Variants in SEL1L2 observed in about 807,000 individuals in gnomAD.
SEL1L2 encodes the protein SEL1L2 adaptor subunit of SYVN1 ubiquitin ligase.
A neutral mutation model predicts 98.8 loss-of-function variants in SEL1L2; 89 were observed. The ratio of observed to expected loss-of-function variants is 0.90; its 90% CI spans 0.76 to 1.07. The LOEUF (loss-of-function observed/expected upper bound fraction) is 1.07. SEL1L2 is among the 50% of genes least tolerant of loss of function. The pLI is 0.00. For synonymous variants in SEL1L2, 262 were observed against 278.5 expected (o/e 0.94, Z 0.59); for missense variants, 788 against 812.0 (o/e 0.97, Z 0.36).
intron 10 of SEL1L2, among the ~76,000 whole-genome samples, chr20:13,880,010 T>C (rs1039066769): frequency 5.9e-5 from 9 of 152,330 alleles, no homozygotes; most frequent in Admixed American, 2.6e-4. Context: ...GATTTCATTA[T>C]TGACTTATTT....
chr20:13,926,101 G>A (rs1025234899), intron 3 of SEL1L2, among the ~76,000 whole-genome samples: 6 of 152,174 alleles, frequency 3.9e-5, no homozygotes, highest in African/African-American at 9.7e-5. Flanking sequence ...GGCGAATCAC[G>A]AGGTCAGGAG....
intron 17 of SEL1L2, among the ~76,000 whole-genome samples, chr20:13,862,733 G>T (rs1260464348): frequency 6.6e-6 from 1 of 151,754 alleles, no homozygotes; most frequent in African/African-American, 2.4e-5. Context: ...TGTTGCCCAG[G>T]CTGGAGTGCA....
Position 13,926,334 on chromosome 20 carries a change from A to T in SEL1L2, c.283+5269T>A, listed in dbSNP as rs887533516. ...CGTTTCAAACAAAAAAAAATTAAATAAATAAAAAATTCAAAAAAAGTGACC... is the reference window on the plus strand; with the variant it reads ...CGTTTCAAACAAAAAAAAATTAAATTAATAAAAAATTCAAAAAAAGTGACC... On this transcript the variant is annotated intron_variant, in intron 3 of 19. Transcript: ENST00000284951. Among the ~76,000 whole-genome samples, 18 of 152,112 alleles carry T rather than the reference A, an allele frequency of 1.2e-4. No homozygotes were observed. In the East Asian group the frequency reaches 2.1e-3, roughly 18 times the overall value.
chr20:13,955,256 C>G (rs2050475274), intron 2 of SEL1L2, among the ~76,000 whole-genome samples: 1 of 151,826 alleles, frequency 6.6e-6, no homozygotes, highest in Non-Finnish European at 1.5e-5. Flanking sequence ...AAAAATACAG[C>G]AGGGAAGGGG....
At chr20:13,933,572 T>C (rs1198078782) in intron 2 of SEL1L2, among the ~76,000 whole-genome samples, 1 of 152,170 alleles carries the variant, frequency 6.6e-6, no homozygotes, top group Non-Finnish European at 1.5e-5. Context: ...TTTTCAGGGT[T>C]AATCCATGTT....
At chr20:13,929,602 G>A (rs1298784420) in intron 3 of SEL1L2, among the ~76,000 whole-genome samples, 3 of 136,078 alleles carry the variant, frequency 2.2e-5, no homozygotes, top group Non-Finnish European at 4.6e-5. Context: ...CCGGGTTCAC[G>A]TCATTCTCCT....
At chr20:13,982,158 T>C (rs1207635878) in intron 1 of SEL1L2, among the ~76,000 whole-genome samples, 4 of 152,176 alleles carry the variant, frequency 2.6e-5, no homozygotes, top group East Asian at 1.9e-4. Context: ...TATTAACTTT[T>C]TGTTGTTTTG....
chr20:13,981,945 C>T (rs532940127), intron 1 of SEL1L2, among the ~76,000 whole-genome samples: 2 of 152,206 alleles, frequency 1.3e-5, no homozygotes, highest in African/African-American at 4.8e-5. Flanking sequence ...ATATTTCCTG[C>T]TTCTACTGCT....
Position 13,886,460 on chromosome 20 carries a change from C to T in SEL1L2, c.746-18G>A, listed in dbSNP as rs562255620. On this transcript the variant is annotated intron_variant, in intron 8 of 19. Coordinates refer to ENST00000284951, the MANE Select transcript of SEL1L2 (RefSeq NM_025229.2). Reference sequence around the variant, plus strand: ...GTCAGCAACTGTGAATAAAAACAAGCCAGAGAATAGCTAGAAAACAGAGGC... The same window carrying T: ...GTCAGCAACTGTGAATAAAAACAAGTCAGAGAATAGCTAGAAAACAGAGGC... 1 of 1,609,010 alleles carries T rather than the reference C, an allele frequency of 6.2e-7. No individual in the cohort carries two copies. The highest frequency in any genetic ancestry group is 1.3e-5 in the African/African-American group (1 of 74,732).
chr20:13,974,395 C>T (rs940570259), intron 1 of SEL1L2, among the ~76,000 whole-genome samples: 14 of 149,666 alleles, frequency 9.4e-5, no homozygotes, highest in East Asian at 4.0e-4. Context: ...GTGGTAGTGG[C>T]GGTTGAGAGG....
intron 1 of SEL1L2, among the ~76,000 whole-genome samples, chr20:13,964,335 T>G (rs2050927664): frequency 6.6e-6 from 1 of 151,946 alleles, no homozygotes; most frequent in Admixed American, 6.6e-5. Context: ...ATTGTCAGCA[T>G]AGGAAGAGCC....
rs5840588 is a variant in SEL1L2 at position 13,917,786 on chromosome 20, C to CTTTTTTTTTTTTTTTT, written c.386+1219_386+1234dup. Among the ~76,000 whole-genome samples the CTTTTTTTTTTTTTTTT allele has an allele frequency of 1.7e-3, 84 of 50,114 alleles. 1 individual carries two copies. The highest frequency in any genetic ancestry group is 2.1e-3 in the Non-Finnish European group (62 of 30,094). The allele number at this position is 50,114 out of a possible 152,430, so 32.9% of individuals were successfully genotyped here. A position where few individuals can be genotyped will look rare whatever the true frequency, so the allele number is the denominator to read the frequency against. ...CCATACTTTCTTTATTTCTTTCTTT[C>CTTTTTTTTTTTTTTTT]TTTTTTTTTTTTTTTTTTTTTTTTT... On this transcript the variant is annotated intron_variant, in intron 4 of 19. Transcript: ENST00000284951.
chr20:13,914,585 G>A (rs2048325911), intron 4 of SEL1L2, among the ~76,000 whole-genome samples: 1 of 152,184 alleles, frequency 6.6e-6, no homozygotes, highest in African/African-American at 2.4e-5. Flanking sequence ...CTTCAGCCAA[G>A]TTATATAACT....
At chr20:13,966,293 C>CTCT (rs11468038) in intron 1 of SEL1L2, among the ~76,000 whole-genome samples, 13 of 151,434 alleles carry the variant, frequency 8.6e-5, no homozygotes, top group Admixed American at 2.0e-4. Context: ...TCCTTCTTGC[C>CTCT]TCTTCTTCTT....
At chr20:13,915,804 G>A (rs2048377359) in intron 4 of SEL1L2, among the ~76,000 whole-genome samples, 1 of 152,074 alleles carries the variant, frequency 6.6e-6, no homozygotes, top group Non-Finnish European at 1.5e-5. Flanking sequence ...ATCCCCAAAA[G>A]GAAAAAGGTG....
chr20:13,897,546 T>C (rs1053609983), intron 5 of SEL1L2, among the ~76,000 whole-genome samples: 7 of 152,112 alleles, frequency 4.6e-5, no homozygotes, highest in African/African-American at 1.2e-4. Flanking sequence ...TTCTTACAAC[T>C]CAATAACAAA....
intron 11 of SEL1L2, among the ~76,000 whole-genome samples, chr20:13,876,316 AG>A (rs1268945679): frequency 6.6e-6 from 1 of 152,070 alleles, no homozygotes; most frequent in Non-Finnish European, 1.5e-5. Flanking sequence ...AACAAGAAAA[AG>A]TAAGAGTACC....
At chr20:13,918,876 T>A (rs561605196) in intron 4 of SEL1L2, 145 bp downstream of exon 4, 1 of 605,948 alleles carries the variant, frequency 1.7e-6, no homozygotes, top group Admixed American at 3.2e-5. Context: ...TTAAACACAA[T>A]TTGATCCTTT....
chr20:13,894,919 A>C (rs2047357491), intron 5 of SEL1L2, among the ~76,000 whole-genome samples: 1 of 152,112 alleles, frequency 6.6e-6, no homozygotes, highest in African/African-American at 2.4e-5. Flanking sequence ...AAAATCTAAG[A>C]AGAATTAACA....
Sources: allele counts gnomAD v4.1 joint callset (sites outside exome capture counted in the v4.1 genomes callset), GRCh38; gene constraint gnomAD v4.1.1; transcripts MANE v1.5; gene names NCBI Gene and HGNC (gene_info 2026-07-23, HGNC 2026-07-21).